Variants in SNTG1 observed in about 807,000 individuals in gnomAD.
SNTG1 encodes the protein syntrophin gamma 1, also known as gamma-1-syntrophin.
Under a neutral mutation model 74.7 loss-of-function variants are expected in SNTG1, and 39 were observed. The observed-to-expected ratio is 0.52, with a 90% confidence interval of 0.40 to 0.68. SNTG1 has a LOEUF of 0.68. SNTG1 is among the 30% of genes least tolerant of loss of function. The pLI, the probability that SNTG1 is intolerant of heterozygous loss-of-function variation, is 0.00. For missense variants in SNTG1, 685 were observed against 609.5 expected (o/e 1.12, Z -1.30); for synonymous variants, 254 against 217.1 (o/e 1.17, Z -1.49).
chr8:50,430,209 C>T (rs561291033), intron 4 of SNTG1, among the ~76,000 whole-genome samples: 39 of 152,108 alleles, frequency 2.6e-4, no homozygotes, highest in African/African-American at 5.5e-4. Flanking sequence ...TTGAATTGCA[C>T]GCTTTAAATG....
intron 5 of SNTG1, among the ~76,000 whole-genome samples, chr8:50,449,026 G>A (rs752283491): frequency 1.3e-4 from 20 of 151,896 alleles, no homozygotes; most frequent in South Asian, 2.1e-4. Flanking sequence ...AGTCTCCTCC[G>A]TCTCAAAAAA....
chr8:50,214,358 T>C (rs1475083516), intron 2 of SNTG1, among the ~76,000 whole-genome samples: 1 of 151,156 alleles, frequency 6.6e-6, no homozygotes, highest in Non-Finnish European at 1.5e-5. Flanking sequence ...TGTATACATA[T>C]GTAACTAACC....
At chr8:50,617,221 G>T (rs1484260722) in intron 13 of SNTG1, among the ~76,000 whole-genome samples, 1 of 152,100 alleles carries the variant, frequency 6.6e-6, no homozygotes, top group Non-Finnish European at 1.5e-5. Flanking sequence ...TACAAGCTTG[G>T]AAGGGAAGGA....
At chr8:50,187,122 G>T (rs770320954) in intron 2 of SNTG1, among the ~76,000 whole-genome samples, 1 of 151,902 alleles carries the variant, frequency 6.6e-6, no homozygotes, top group South Asian at 2.1e-4. Context: ...TGCTATTTCC[G>T]TCAAACTGCC....
chr8:50,734,487 T>C (rs2095520756), intron 17 of SNTG1, among the ~76,000 whole-genome samples: 1 of 151,180 alleles, frequency 6.6e-6, no homozygotes, highest in African/African-American at 2.4e-5. Context: ...CCCATCATTA[T>C]TGACATATCT....
chr8:50,750,187 G>C (rs187222923), intron 17 of SNTG1, among the ~76,000 whole-genome samples: 1 of 151,948 alleles, frequency 6.6e-6, no homozygotes, highest in Non-Finnish European at 1.5e-5. Flanking sequence ...TTCAGTGAAG[G>C]AAGTAAATGC....
chr8:50,325,202 T>C (rs1001692160), intron 2 of SNTG1, among the ~76,000 whole-genome samples: 1 of 151,598 alleles, frequency 6.6e-6, no homozygotes, highest in Non-Finnish European at 1.5e-5. Context: ...TTGCCCATTG[T>C]GTATCTTCTG....
At chr8:50,507,722 T>G (rs2094020599) in intron 9 of SNTG1, among the ~76,000 whole-genome samples, 1 of 152,120 alleles carries the variant, frequency 6.6e-6, no homozygotes, top group African/African-American at 2.4e-5. Context: ...TTAGGGTACA[T>G]GTGCACAACG....
At chr8:50,081,927 A>C (rs967562675) in intron 1 of SNTG1, among the ~76,000 whole-genome samples, 3 of 152,062 alleles carry the variant, frequency 2.0e-5, no homozygotes, top group African/African-American at 7.2e-5. Flanking sequence ...CATTGCACCC[A>C]GCCTATTCAC....
intron 1 of SNTG1, among the ~76,000 whole-genome samples, chr8:49,939,565 T>A (rs948727356): frequency 6.6e-6 from 1 of 152,184 alleles, no homozygotes; most frequent in Non-Finnish European, 1.5e-5. Flanking sequence ...GCCTCCCGAG[T>A]AACTACAATT....
chr8:50,170,258 G>A (rs2082760654), intron 1 of SNTG1, among the ~76,000 whole-genome samples: 2 of 151,914 alleles, frequency 1.3e-5, no homozygotes, highest in African/African-American at 4.8e-5. Context: ...TTTAATTCAA[G>A]AGGCTTAATG....
Position 50,432,110 on chromosome 8 carries a change from A to G in SNTG1, c.163-6433A>G, listed in dbSNP as rs941159577. Among the ~76,000 whole-genome samples the G allele has an allele frequency of 3.9e-5, 6 of 152,266 alleles. No individual in the cohort carries two copies. The East Asian group carries it at 1.2e-3, about 29-fold the overall frequency. ...AACTCATCACTAAACCAAAAATCAC[A>G]TGGGTTTTCTCCTGTATTCTCTTCT... On this transcript the variant is annotated intron_variant, in intron 4 of 18. Coordinates refer to ENST00000642720, the MANE Select transcript of SNTG1 (RefSeq NM_018967.5).
intron 2 of SNTG1, among the ~76,000 whole-genome samples, chr8:50,352,044 A>G (rs1331272514): frequency 6.6e-6 from 1 of 152,208 alleles, no homozygotes; most frequent in Non-Finnish European, 1.5e-5. Flanking sequence ...AAGATGGCAC[A>G]TGAAGCATAA....
intron 13 of SNTG1, among the ~76,000 whole-genome samples, chr8:50,620,767 C>G (rs1291950574): frequency 6.6e-6 from 1 of 152,078 alleles, no homozygotes; most frequent in African/African-American, 2.4e-5. Context: ...AAGTCTCACT[C>G]AAGGAGTTAT....
chr8:50,103,804 A>T (rs1402155147), intron 1 of SNTG1, among the ~76,000 whole-genome samples: 1 of 152,198 alleles, frequency 6.6e-6, no homozygotes, highest in Non-Finnish European at 1.5e-5. Context: ...CTTTTCCTGC[A>T]TCTATTGAGA....
intron 14 of SNTG1, 50 bp downstream of exon 14, chr8:50,657,075 A>T (rs1585980684): frequency 9.3e-7 from 1 of 1,080,868 alleles, no homozygotes; most frequent in Non-Finnish European, 1.3e-6. Flanking sequence ...ATCACAAGAG[A>T]TTGACACCAA....
intron 1 of SNTG1, among the ~76,000 whole-genome samples, chr8:50,156,762 A>G (rs1310390545): frequency 2.0e-5 from 3 of 152,108 alleles, no homozygotes; most frequent in Non-Finnish European, 2.9e-5. Flanking sequence ...GTGAATAAGT[A>G]CATGAAAAGG....
chr8:50,657,451 ACT>A (rs2095190346), intron 14 of SNTG1, among the ~76,000 whole-genome samples: 1 of 152,112 alleles, frequency 6.6e-6, no homozygotes, highest in Admixed American at 6.6e-5. Flanking sequence ...TGTTTACTAA[ACT>A]CTTATTTTCC....
At chr8:50,599,492 A>G (rs928994228) in intron 13 of SNTG1, among the ~76,000 whole-genome samples, 2 of 152,120 alleles carry the variant, frequency 1.3e-5, no homozygotes, top group African/African-American at 2.4e-5. Context: ...CAAATCCATG[A>G]ATATAAAATG....
Sources: allele counts gnomAD v4.1 joint callset (sites outside exome capture counted in the v4.1 genomes callset), GRCh38; gene constraint gnomAD v4.1.1; transcripts MANE v1.5; gene names NCBI Gene and HGNC (gene_info 2026-07-23, HGNC 2026-07-21).